Variants in AKAP6 observed in about 807,000 individuals in gnomAD.
AKAP6 encodes A-kinase anchor protein 6.
Under a neutral mutation model 188.5 loss-of-function variants are expected in AKAP6, and 58 were observed. That is an observed-to-expected ratio of 0.31 (90% CI 0.25 to 0.38). AKAP6 has a LOEUF of 0.38. AKAP6 is among the 10% of genes least tolerant of loss of function. The probability of loss-of-function intolerance (pLI) is 1.00; values close to 1 mark genes in which losing one functional copy is unlikely to be tolerated. For synonymous variants in AKAP6, 989 were observed against 998.6 expected, an observed-to-expected ratio of 0.99 and a Z score of 0.18; for missense variants, 2,710 against 2,740.0, an observed-to-expected ratio of 0.99 and a Z score of 0.24.
chr14:32,427,479 T>A (rs566322781), intron 1 of AKAP6, among the ~76,000 whole-genome samples: 19 of 152,200 alleles, frequency 1.2e-4, no homozygotes, highest in African/African-American at 4.6e-4. Flanking sequence ...TCCCAGCTCT[T>A]GACCCAACAA....
rs188982029 is a variant in AKAP6 at position 32,796,944 on chromosome 14, A to G, written c.3588+23051A>G. ...CTGAGTCTACAAGGAACTTAGAGTT[A>G]CAAGAAAAATCAAACAACCCCATTA... On this transcript the variant is annotated intron_variant, in intron 12 of 13. Coordinates refer to ENST00000280979, the MANE Select transcript of AKAP6 (RefSeq NM_004274.5). Among the ~76,000 whole-genome samples, 13 of 152,334 alleles carry G rather than the reference A, an allele frequency of 8.5e-5. No individual in the cohort carries two copies. The East Asian group carries it at 1.7e-3, about 20-fold the overall frequency.
intron 1 of AKAP6, among the ~76,000 whole-genome samples, chr14:32,376,599 A>G (rs958251675): frequency 2.0e-5 from 3 of 152,252 alleles, no homozygotes; most frequent in Non-Finnish European, 4.4e-5. Flanking sequence ...TAAGTTCTCT[A>G]TTAAAACCAG....
At chr14:32,805,889 T>C (rs143339089) in intron 12 of AKAP6, among the ~76,000 whole-genome samples, 1 of 152,322 alleles carries the variant, frequency 6.6e-6, no homozygotes, top group East Asian at 1.9e-4. Context: ...AAGCTAATTA[T>C]TGCATAGAGA....
chr14:32,418,712 AT>A (rs1436254750), intron 1 of AKAP6, among the ~76,000 whole-genome samples: 2 of 152,148 alleles, frequency 1.3e-5, no homozygotes, highest in Non-Finnish European at 2.9e-5. Context: ...TTTTAGAGGC[AT>A]TTCAGTCATT....
intron 2 of AKAP6, among the ~76,000 whole-genome samples, chr14:32,493,144 A>G (rs1880123790): frequency 6.6e-6 from 1 of 152,184 alleles, no homozygotes; most frequent in African/African-American, 2.4e-5. Flanking sequence ...GTCAGAAGTG[A>G]CTGGAGCAAA....
chr14:32,648,209 C>T (rs1490974637), intron 7 of AKAP6, among the ~76,000 whole-genome samples: 16 of 152,122 alleles, frequency 1.1e-4, no homozygotes, highest in Admixed American at 6.5e-4. Context: ...CAAAAACAGA[C>T]GTTTTAGAAA....
chr14:32,669,830 C>G (rs1889104499), intron 7 of AKAP6, among the ~76,000 whole-genome samples: 1 of 152,176 alleles, frequency 6.6e-6, no homozygotes, highest in South Asian at 2.1e-4. Flanking sequence ...GGCATGGTGG[C>G]TCACCCCTGT....
intron 1 of AKAP6, among the ~76,000 whole-genome samples, chr14:32,428,001 A>T (rs1325272751): frequency 1.3e-5 from 2 of 152,214 alleles, no homozygotes; most frequent in African/African-American, 4.8e-5. Flanking sequence ...GTTGATTTAC[A>T]TGATGAAAAG....
chr14:32,795,208 A>G (rs908916614), intron 12 of AKAP6, among the ~76,000 whole-genome samples: 1 of 152,202 alleles, frequency 6.6e-6, no homozygotes, highest in Non-Finnish European at 1.5e-5. Context: ...CAGAGGTACA[A>G]AGAAGAGCTG....
intron 11 of AKAP6, among the ~76,000 whole-genome samples, chr14:32,749,977 A>G (rs1186005277): frequency 6.6e-6 from 1 of 152,180 alleles, no homozygotes; most frequent in Non-Finnish European, 1.5e-5. Context: ...ATTGCATTCT[A>G]CCCAAATCTG....
chr14:32,396,609 G>A (rs1342334606), intron 1 of AKAP6, among the ~76,000 whole-genome samples: 1 of 152,112 alleles, frequency 6.6e-6, no homozygotes, highest in Non-Finnish European at 1.5e-5. Flanking sequence ...GGGGAGTTCT[G>A]GGAAAGTTTT....
At chr14:32,655,580 A>G (rs1888420766) in intron 7 of AKAP6, among the ~76,000 whole-genome samples, 1 of 152,168 alleles carries the variant, frequency 6.6e-6, no homozygotes, top group East Asian at 1.9e-4. Flanking sequence ...GAATAGAGAC[A>G]TAGAATTGGG....
chr14:32,488,447 T>C (rs576804041), intron 2 of AKAP6, among the ~76,000 whole-genome samples: 18 of 152,292 alleles, frequency 1.2e-4, no homozygotes, highest in African/African-American at 4.3e-4. Context: ...TTCAAGCCAG[T>C]GGATCTTAGT....
At chr14:32,415,538 A>G (rs1889629685) in intron 1 of AKAP6, among the ~76,000 whole-genome samples, 1 of 152,180 alleles carries the variant, frequency 6.6e-6, no homozygotes, top group African/African-American at 2.4e-5. Flanking sequence ...TGCATATAAC[A>G]TAAAATTTAT....
At chr14:32,502,326 C>G (rs1262949676) in intron 2 of AKAP6, among the ~76,000 whole-genome samples, 3 of 152,070 alleles carry the variant, frequency 2.0e-5, no homozygotes, top group Non-Finnish European at 4.4e-5. Flanking sequence ...AGTGACTGCT[C>G]TCCATGGATT....
intron 1 of AKAP6, among the ~76,000 whole-genome samples, chr14:32,350,418 C>G (rs8020197): frequency 0.16 from 23,588 of 151,988 alleles, 2,009 homozygotes; most frequent in East Asian, 0.37. Context: ...CTGTATTCCT[C>G]CAGACTATCA....
chr14:32,815,569 A>G (rs1295791499), intron 12 of AKAP6, among the ~76,000 whole-genome samples: 1 of 152,208 alleles, frequency 6.6e-6, no homozygotes, highest in African/African-American at 2.4e-5. Flanking sequence ...AGACAAATGT[A>G]TCACCTCATT....
At chr14:32,524,440 C>G (rs185379632) in intron 2 of AKAP6, among the ~76,000 whole-genome samples, 47 of 151,998 alleles carry the variant, frequency 3.1e-4, no homozygotes, top group Middle Eastern at 3.5e-3. Flanking sequence ...ATCTGGTATA[C>G]ATGTAAATAG....
intron 7 of AKAP6, 51 bp from the exon 8 acceptor site, chr14:32,678,260 A>G (rs904223721): frequency 1.9e-6 from 3 of 1,564,442 alleles, no homozygotes; most frequent in Non-Finnish European, 2.6e-6. Context: ...CTCACTTGAA[A>G]TGCATTCCTT....
Sources: gnomAD v4.1 joint callset for allele counts (sites outside exome capture counted in the v4.1 genomes callset) on GRCh38, gnomAD v4.1.1 for gene constraint, MANE v1.5 for transcripts, NCBI Gene and HGNC (gene_info 2026-07-23, HGNC 2026-07-21) for gene names.